ANK3: variants seen among roughly 807,000 people sequenced by gnomAD.
ANK3 encodes ankyrin-3.
ANK3 carries 57 observed loss-of-function variants against 370.9 expected under a neutral mutation model. That is an observed-to-expected ratio of 0.15 (90% CI 0.12 to 0.19). ANK3 has a LOEUF of 0.19. Ranked by LOEUF, ANK3 falls within the 10% of genes least tolerant of loss-of-function variation. The probability of loss-of-function intolerance (pLI) is 1.00; values close to 1 mark genes in which losing one functional copy is unlikely to be tolerated. For synonymous variants in ANK3, 1,929 were observed against 1,946.3 expected (o/e 0.99, Z 0.23); for missense variants, 4,439 against 5,302.1 (o/e 0.84, Z 5.06).
intron 7 of ANK3, among the ~76,000 whole-genome samples, chr10:60,258,181 G>A (rs144945935): frequency 6.6e-6 from 1 of 152,320 alleles, no homozygotes; most frequent in East Asian, 1.9e-4. Flanking sequence ...TTTGCAAAGA[G>A]AGCAAGGGTC....
At chr10:60,497,542 A>G (rs1041507075) in intron 2 of ANK3, among the ~76,000 whole-genome samples, 1 of 152,226 alleles carries the variant, frequency 6.6e-6, no homozygotes, top group Non-Finnish European at 1.5e-5. Flanking sequence ...GAGGAAATTC[A>G]ACATATACAT....
At chr10:60,453,705 A>G (rs2064669969) in intron 2 of ANK3, among the ~76,000 whole-genome samples, 1 of 152,098 alleles carries the variant, frequency 6.6e-6, no homozygotes, top group African/African-American at 2.4e-5. Context: ...GATAGGAAAC[A>G]GCCTCTCTCT....
chr10:60,536,869 T>C (rs2076736637), intron 2 of ANK3, among the ~76,000 whole-genome samples: 1 of 152,046 alleles, frequency 6.6e-6, no homozygotes, highest in African/African-American at 2.4e-5. Context: ...ATAAAAACTT[T>C]TAATTTTATT....
At chr10:60,281,774 A>G (rs1012487139) in intron 1 of ANK3, among the ~76,000 whole-genome samples, 2 of 152,220 alleles carry the variant, frequency 1.3e-5, no homozygotes, top group Admixed American at 6.5e-5. Context: ...AAAGGTGAAT[A>G]CCAGAGATTA....
In ANK3 at chr10:60,082,664, G is replaced by A. The variant is rs2085561220; in HGVS notation, c.4274C>T (p.Pro1425Leu). Residue 1425 changes from proline (P) to leucine (L), a missense_variant, in exon 34 of 44, where the codon CCT (proline) becomes CTT (leucine). By Grantham distance (98) the Pro-to-Leu change is moderately conservative (BLOSUM62 -3). Transcript: ENST00000280772. ...LKEPKTTKGLPQTAVCNLNIT... is the reference protein window; with the variant it reads ...LKEPKTTKGLLQTAVCNLNIT... The stretch of plus-strand genomic sequence containing the variant: ...ATTTAAGTTGCAAACCGCTGTTTGA[G>A]GCAGTCCTTTTGTTGTCTTTGGTTC... The A allele has an allele frequency of 6.2e-7, 1 of 1,614,112 alleles. No individual in the cohort carries two copies. Among genetic ancestry groups the A allele is most frequent in the African/African-American group, 1.3e-5 (1 of 75,044 alleles).
rs542245215 is a variant in ANK3, at chr10:60,535,416, G to A, written c.96+79770C>T. ...CTCAAAATAGTCCTTTATTGCAGAA[G>A]ACTCTGAAAGCCCCTTTATCTGAAG... is the stretch of plus-strand genomic sequence containing the variant. On this transcript the variant is annotated intron_variant, in intron 2 of 43. Transcript: ENST00000373827. Among the ~76,000 whole-genome samples the A allele has an allele frequency of 2.0e-3, 310 of 152,166 alleles. 1 individual carries two copies. Among genetic ancestry groups the A allele is most frequent in the African/African-American group, 7.0e-3 (292 of 41,538 alleles).
intron 1 of ANK3, among the ~76,000 whole-genome samples, chr10:60,343,317 A>C (rs2054675312): frequency 1.3e-5 from 2 of 152,168 alleles, no homozygotes; most frequent in Non-Finnish European, 2.9e-5. Context: ...CTGAAAGAGG[A>C]AGGGAGGGAG....
intron 2 of ANK3, among the ~76,000 whole-genome samples, chr10:60,500,135 G>GT (rs906467993): frequency 7.9e-5 from 12 of 152,148 alleles, no homozygotes; most frequent in African/African-American, 2.2e-4. Context: ...TTGATGTCAG[G>GT]TCTTAATAAT....
intron 2 of ANK3, among the ~76,000 whole-genome samples, chr10:60,478,726 T>C (rs750728546): frequency 6.6e-6 from 1 of 152,122 alleles, no homozygotes; most frequent in Non-Finnish European, 1.5e-5. Context: ...TATATTTCAT[T>C]AACACAAATC....
At chr10:60,673,084 CATCT>C (rs1168770315) in intron 1 of ANK3, among the ~76,000 whole-genome samples, 1 of 150,276 alleles carries the variant, frequency 6.7e-6, no homozygotes, top group Non-Finnish European at 1.5e-5. Context: ...AGATGAGGAC[CATCT>C]ATCTAAAACC....
intron 2 of ANK3, among the ~76,000 whole-genome samples, chr10:60,506,025 C>A (rs2075930709): frequency 1.3e-5 from 2 of 152,094 alleles, no homozygotes; most frequent in Middle Eastern, 3.4e-3. Flanking sequence ...TTCATACTCA[C>A]AATAAACCCC....
chr10:60,347,707 A>C (rs993587682), intron 1 of ANK3, among the ~76,000 whole-genome samples: 1 of 152,130 alleles, frequency 6.6e-6, no homozygotes, highest in African/African-American at 2.4e-5. Context: ...CACTAGACCT[A>C]TTCGTAATGA....
At chr10:60,105,825 G>A (rs1331094263) in intron 28 of ANK3, 80 bp downstream of exon 28, 5 of 1,404,704 alleles carry the variant, frequency 3.6e-6, no homozygotes, top group Non-Finnish European at 4.7e-6. Context: ...GTGAAATTCA[G>A]GTCCTGTTTC....
At chr10:60,269,710 TA>T (rs1389131172) in intron 5 of ANK3, among the ~76,000 whole-genome samples, 1 of 142,944 alleles carries the variant, frequency 7.0e-6, no homozygotes, top group Non-Finnish European at 1.5e-5. Context: ...CTAGTTAACT[TA>T]AAAAATACAA....
chr10:60,693,566 C>A (rs1182387818), intron 1 of ANK3, among the ~76,000 whole-genome samples: 1 of 152,338 alleles, frequency 6.6e-6, no homozygotes, highest in East Asian at 1.9e-4. Context: ...AACGGGCAGA[C>A]TGCCTCCTAA....
chr10:60,562,679 G>C (rs760412150), intron 2 of ANK3, among the ~76,000 whole-genome samples: 2 of 152,106 alleles, frequency 1.3e-5, no homozygotes, highest in African/African-American at 4.8e-5. Flanking sequence ...AGAGACAAAG[G>C]TTGTAAAATC....
At chr10:60,544,557 A>T (rs1048253483) in intron 2 of ANK3, among the ~76,000 whole-genome samples, 1 of 152,236 alleles carries the variant, frequency 6.6e-6, no homozygotes, top group South Asian at 2.1e-4. Context: ...AAACATAATG[A>T]CTTTGCACTG....
chr10:60,335,180 A>G (rs1237522816), intron 1 of ANK3, among the ~76,000 whole-genome samples: 1 of 152,166 alleles, frequency 6.6e-6, no homozygotes, highest in African/African-American at 2.4e-5. Context: ...TTTGCAGTAG[A>G]GACTCCTGGA....
intron 1 of ANK3, among the ~76,000 whole-genome samples, chr10:60,358,121 A>C (rs61846512): frequency 3.2e-4 from 4 of 12,506 alleles, no homozygotes; most frequent in African/African-American, 7.0e-4. Flanking sequence ...CACACACACA[A>C]ACACACACAC....
Sources: gnomAD v4.1 joint callset for allele counts (sites outside exome capture counted in the v4.1 genomes callset) on GRCh38, gnomAD v4.1.1 for gene constraint, MANE v1.5 for transcripts, NCBI Gene and HGNC (gene_info 2026-07-23, HGNC 2026-07-21) for gene names.